ATP8B4: variants seen among roughly 807,000 people sequenced by gnomAD.
ATP8B4 encodes probable phospholipid-transporting ATPase IM.
Under a neutral mutation model 145.6 loss-of-function variants are expected in ATP8B4, and 133 were observed. That is an observed-to-expected ratio of 0.91 (90% confidence interval 0.79 to 1.05). ATP8B4 has a LOEUF of 1.05. Ranked by LOEUF, ATP8B4 falls within the 50% of genes least tolerant of loss-of-function variation. The probability of loss-of-function intolerance (pLI) is 0.00; values close to 1 mark genes in which losing one functional copy is unlikely to be tolerated. For synonymous variants in ATP8B4, 507 were observed against 492.9 expected, an observed-to-expected ratio of 1.03 and a Z score of -0.38; for missense variants, 1,458 against 1,425.2, an observed-to-expected ratio of 1.02 and a Z score of -0.37.
chr15:49,980,551 A>G (rs1209686833), intron 11 of ATP8B4, among the ~76,000 whole-genome samples: 1 of 152,172 alleles, frequency 6.6e-6, no homozygotes, highest in African/African-American at 2.4e-5. Flanking sequence ...GTAGTAGAGA[A>G]TATCATTTCA....
intron 1 of ATP8B4, among the ~76,000 whole-genome samples, chr15:50,152,332 TTTAG>T (rs1445651148): frequency 6.6e-6 from 1 of 152,048 alleles, no homozygotes; most frequent in African/African-American, 2.4e-5. Context: ...GGCAAGAAAA[TTTAG>T]TTATTTTTAT....
At chr15:50,047,547 C>A in intron 3 of ATP8B4, 83 bp from the exon 4 acceptor site, 2 of 862,768 alleles carry the variant, frequency 2.3e-6, no homozygotes, top group Non-Finnish European at 1.9e-6. Flanking sequence ...CAAGCCTGAG[C>A]CAGAGTAAGA....
At chr15:49,876,999 C>A (rs1240062812) in intron 24 of ATP8B4, among the ~76,000 whole-genome samples, 2 of 152,138 alleles carry the variant, frequency 1.3e-5, no homozygotes, top group Non-Finnish European at 2.9e-5. Context: ...GAGCTCATGA[C>A]TTTGGAGGGA....
chr15:50,055,014 C>A (rs1254364060), intron 3 of ATP8B4, among the ~76,000 whole-genome samples: 1 of 152,120 alleles, frequency 6.6e-6, no homozygotes, highest in Non-Finnish European at 1.5e-5. Context: ...CTCCTAATTA[C>A]AATTTTGAAT....
chr15:49,978,774 A>G (rs2045896481), intron 12 of ATP8B4, among the ~76,000 whole-genome samples: 1 of 148,038 alleles, frequency 6.8e-6, no homozygotes, highest in African/African-American at 2.5e-5. Flanking sequence ...ACACACACAC[A>G]CACACACACA....
intron 9 of ATP8B4, among the ~76,000 whole-genome samples, chr15:49,995,899 C>T (rs1599698482): frequency 6.6e-6 from 1 of 152,048 alleles, no homozygotes; most frequent in African/African-American, 2.4e-5. Context: ...TGCCTAAAAT[C>T]CTACAATCAG....
At chr15:49,920,527 C>G in intron 17 of ATP8B4, 117 bp from the exon 18 acceptor site, 1 of 1,146,994 alleles carries the variant, frequency 8.7e-7, no homozygotes, top group East Asian at 2.6e-5. Flanking sequence ...ACCAAGAGCA[C>G]TGCTTGGCTA....
intron 26 of ATP8B4, among the ~76,000 whole-genome samples, chr15:49,864,341 T>C (rs1279621338): frequency 6.6e-6 from 1 of 152,204 alleles, no homozygotes; most frequent in Non-Finnish European, 1.5e-5. Flanking sequence ...GTCCTTGTGG[T>C]CTTATTTTGC....
At chr15:50,058,718 A>G (rs1234579024) in intron 3 of ATP8B4, among the ~76,000 whole-genome samples, 1 of 152,176 alleles carries the variant, frequency 6.6e-6, no homozygotes, top group Non-Finnish European at 1.5e-5. Context: ...AGCAACTGGG[A>G]CCCTGATCCA....
chr15:50,055,622 G>A (rs1338815545), intron 3 of ATP8B4, among the ~76,000 whole-genome samples: 1 of 152,088 alleles, frequency 6.6e-6, no homozygotes, highest in East Asian at 1.9e-4. Context: ...GAGCTTGAGG[G>A]GGAAAACATC....
chr15:50,057,561 T>C (rs2052699070), intron 3 of ATP8B4, among the ~76,000 whole-genome samples: 5 of 152,218 alleles, frequency 3.3e-5, no homozygotes, highest in Admixed American at 3.3e-4. Context: ...TTCAATCAGC[T>C]GGAGCAGTCA....
rs1209250358 is a variant in ATP8B4, at chr15:50,057,209, A to T, written c.88-9745T>A. Among the ~76,000 whole-genome samples the T allele has an allele frequency of 2.0e-5, 3 of 152,202 alleles. No individual in the cohort carries two copies. In the East Asian group the frequency reaches 5.8e-4, roughly 29 times the overall value. ...CATAGATTCTCTGGGTCATACAGTG[A>T]CACCAGATAATGGTATTGCCTCCTT... is the stretch of plus-strand genomic sequence containing the variant. On this transcript the variant is annotated intron_variant, in intron 3 of 27. Transcript: ENST00000284509.
Position 49,987,674 on chromosome 15 carries a change from T to C in ATP8B4, c.590-125A>G, listed in dbSNP as rs1234830477. ...ACAGCCTGGGGTTACATATAAAGAA[T>C]TGTGCTAGAAAAAAATAAGCTGGGA... On this transcript the variant is annotated intron_variant, in intron 9 of 27. Transcript: ENST00000284509. The C allele has an allele frequency of 1.9e-5, 19 of 997,360 alleles. No homozygotes were observed. The Admixed American group carries it at 3.2e-4, about 17-fold the overall frequency. The allele number at this position is 997,360 out of a possible 1,614,324, so 61.8% of individuals were successfully genotyped here. A position where few individuals can be genotyped will look rare whatever the true frequency, so the allele number is the denominator to read the frequency against.
At chr15:49,960,654 A>T (rs954295323) in intron 14 of ATP8B4, among the ~76,000 whole-genome samples, 1 of 152,234 alleles carries the variant, frequency 6.6e-6, no homozygotes, top group East Asian at 1.9e-4. Flanking sequence ...GATAAACTCA[A>T]TTACATGAAA....
chr15:50,117,899 A>T (rs182078130), intron 1 of ATP8B4, among the ~76,000 whole-genome samples: 60 of 152,344 alleles, frequency 3.9e-4, no homozygotes, highest in African/African-American at 1.4e-3. Flanking sequence ...TAAGCCAGGC[A>T]CAGAAAGACA....
chr15:49,874,597 A>C (rs908398596), intron 25 of ATP8B4, among the ~76,000 whole-genome samples: 4 of 152,206 alleles, frequency 2.6e-5, no homozygotes, highest in Non-Finnish European at 5.9e-5. Flanking sequence ...TGAGGGGCTA[A>C]TGGTTACTTT....
At chr15:49,889,226 C>T (rs889711350) in intron 23 of ATP8B4, among the ~76,000 whole-genome samples, 4 of 152,044 alleles carry the variant, frequency 2.6e-5, no homozygotes, top group Non-Finnish European at 4.4e-5. Context: ...GACTTGGTTC[C>T]GGTCCTAGCC....
chr15:49,925,694 T>C (rs1279522863), intron 16 of ATP8B4, among the ~76,000 whole-genome samples: 1 of 152,204 alleles, frequency 6.6e-6, no homozygotes, highest in Non-Finnish European at 1.5e-5. Flanking sequence ...ATACTTTCCA[T>C]CCCTGATACT....
At chr15:49,873,561 A>G (rs2033962773) in intron 25 of ATP8B4, among the ~76,000 whole-genome samples, 1 of 152,162 alleles carries the variant, frequency 6.6e-6, no homozygotes, top group African/African-American at 2.4e-5. Flanking sequence ...CATTTTTTTC[A>G]TGCTAACCCT....
Sources: gnomAD v4.1 joint callset for allele counts (sites outside exome capture counted in the v4.1 genomes callset) on GRCh38, gnomAD v4.1.1 for gene constraint, MANE v1.5 for transcripts, NCBI Gene and HGNC (gene_info 2026-07-23, HGNC 2026-07-21) for gene names.